TMEM232: variants seen among roughly 807,000 people sequenced by gnomAD.
TMEM232 encodes the protein transmembrane protein 232.
Under a neutral mutation model 78.8 loss-of-function variants are expected in TMEM232, and 80 were observed. The ratio of observed to expected loss-of-function variants is 1.01; its 90% CI spans 0.85 to 1.22. The LOEUF (loss-of-function observed/expected upper bound fraction) is 1.22. Ranked by LOEUF, TMEM232 falls within the 50% of genes most tolerant of loss-of-function variation. The probability of loss-of-function intolerance (pLI) is 0.00; values close to 1 mark genes in which losing one functional copy is unlikely to be tolerated. For missense variants in TMEM232, 881 were observed against 742.2 expected (o/e 1.19, Z -2.17); for synonymous variants, 297 against 254.3 (o/e 1.17, Z -1.60).
intron 10 of TMEM232, among the ~76,000 whole-genome samples, chr5:110,593,656 G>A (rs186149720): frequency 6.6e-6 from 1 of 152,246 alleles, no homozygotes; most frequent in East Asian, 1.9e-4. Flanking sequence ...TAGAATGATG[G>A]TTACTAGAGG....
intron 1 of TMEM232, among the ~76,000 whole-genome samples, chr5:110,693,095 C>T (rs1794334810): frequency 6.6e-6 from 1 of 152,188 alleles, no homozygotes; most frequent in Non-Finnish European, 1.5e-5. Flanking sequence ...GGGTACTCCT[C>T]TGAGACAAAA....
At chr5:110,735,045 A>G (rs1216035360) in intron 1 of TMEM232, 1 of 152,198 alleles carries the variant, frequency 6.6e-6, no homozygotes, top group Non-Finnish European at 1.5e-5. Context: ...AATAGTGTAT[A>G]GTTGCATCAC....
chr5:110,460,260 A>G (rs1409862083), intron 12 of TMEM232, among the ~76,000 whole-genome samples: 2 of 151,788 alleles, frequency 1.3e-5, no homozygotes, highest in African/African-American at 2.4e-5. Flanking sequence ...GATGTCTGAA[A>G]TTTACAACAG....
At chr5:110,422,817 A>C (rs950424583) in intron 13 of TMEM232, among the ~76,000 whole-genome samples, 3 of 152,164 alleles carry the variant, frequency 2.0e-5, no homozygotes, top group Admixed American at 6.5e-5. Flanking sequence ...CCATGACAAC[A>C]GATCAATTTG....
At chr5:110,600,437 G>C (rs568227648) in intron 10 of TMEM232, among the ~76,000 whole-genome samples, 1 of 152,192 alleles carries the variant, frequency 6.6e-6, no homozygotes, top group East Asian at 1.9e-4. Context: ...CAGAAGAAAA[G>C]AGAGAAGAAT....
chr5:110,543,730 G>A (rs185973129), intron 11 of TMEM232, among the ~76,000 whole-genome samples: 7 of 152,214 alleles, frequency 4.6e-5, no homozygotes, highest in Admixed American at 2.6e-4. Context: ...GAGCACTAGA[G>A]CTCTGGCCTT....
At chr5:110,613,375 A>G (rs1782548237) in intron 8 of TMEM232, among the ~76,000 whole-genome samples, 2 of 152,194 alleles carry the variant, frequency 1.3e-5, no homozygotes. Context: ...CATGGGCACA[A>G]GCACAAGCCA....
intron 11 of TMEM232, among the ~76,000 whole-genome samples, chr5:110,537,292 T>TATATATA (rs563922305): frequency 1.4e-5 from 2 of 138,500 alleles, no homozygotes; most frequent in African/African-American, 5.9e-5. Context: ...TATATATATA[T>TATATATA]TTTTTTTTTT....
At chr5:110,451,123 A>G (rs1425912543) in intron 12 of TMEM232, among the ~76,000 whole-genome samples, 2 of 152,174 alleles carry the variant, frequency 1.3e-5, no homozygotes, top group Non-Finnish European at 2.9e-5. Flanking sequence ...CTGCTAGTTT[A>G]GGACTTACTT....
At position 110,431,180 on chromosome 5, in the gene TMEM232, G is replaced by GTATT. The variant is rs1757799248; in HGVS notation, c.1704-6268_1704-6265dup. The stretch of plus-strand genomic sequence containing the variant: ...AGTTTCCCCCCAAGAATGTTCTAAA[G>GTATT]TATTAAACTGAGAAGGCTAAGAAGC... On this transcript the variant is annotated intron_variant, in intron 12 of 13. Coordinates refer to ENST00000455884, the MANE Select transcript of TMEM232 (RefSeq NM_001039763.4). Among the ~76,000 whole-genome samples, 5 of 151,582 alleles carry GTATT rather than the reference G, an allele frequency of 3.3e-5. No individual in the cohort carries two copies. The South Asian group carries it at 1.0e-3, about 31-fold the overall frequency.
chr5:110,561,575 T>C (rs73222662), intron 11 of TMEM232, among the ~76,000 whole-genome samples: 4,390 of 152,204 alleles, frequency 0.029, 215 homozygotes, highest in African/African-American at 0.1. Flanking sequence ...TATAGCAGAC[T>C]GAAATCCCAT....
In TMEM232 at chr5:110,528,695, C is replaced by A; in HGVS notation, c.1596G>T (p.Glu532Asp). The A allele has an allele frequency of 6.5e-7, 1 of 1,534,810 alleles. No individual in the cohort carries two copies. Among genetic ancestry groups the A allele is most frequent in the Non-Finnish European group, 8.7e-7 (1 of 1,146,290 alleles). Reference protein sequence around the residue: ...TLSKLFFPPIEAHFLPLKKPS... With the variant: ...TLSKLFFPPIDAHFLPLKKPS... ...GTTTCTTCAAAGGAAGAAAATGGGC[C>A]TCAATGGGGGGAAAGAATAGTTTGG... Residue 532 changes from glutamate (E) to aspartate (D), a missense_variant, in exon 12 of 14, where the codon GAG becomes GAT. Transcript: ENST00000455884.
chr5:110,530,423 T>A (rs1330468973), intron 11 of TMEM232, among the ~76,000 whole-genome samples: 2 of 152,242 alleles, frequency 1.3e-5, no homozygotes, highest in East Asian at 3.8e-4. Context: ...AGAGCTGCCC[T>A]GCCATGTTTA....
intron 11 of TMEM232, among the ~76,000 whole-genome samples, chr5:110,542,243 T>A (rs73222638): frequency 0.018 from 2,813 of 152,192 alleles, 104 homozygotes; most frequent in African/African-American, 0.065. Context: ...TAGTAGCCAT[T>A]TTTTTTGTAT....
At chr5:110,546,710 T>C (rs1385593730) in intron 11 of TMEM232, among the ~76,000 whole-genome samples, 3 of 152,158 alleles carry the variant, frequency 2.0e-5, no homozygotes, top group Non-Finnish European at 2.9e-5. Context: ...TGATAGATGT[T>C]CCCTAATTCA....
At chr5:110,523,972 G>C (rs1485870579) in intron 12 of TMEM232, among the ~76,000 whole-genome samples, 1 of 119,074 alleles carries the variant, frequency 8.4e-6, no homozygotes, top group African/African-American at 2.9e-5. Flanking sequence ...AAAAAGGGGG[G>C]GGGGCGGGGG....
intron 1 of TMEM232, among the ~76,000 whole-genome samples, chr5:110,696,129 G>C (rs1283876030): frequency 1.3e-5 from 2 of 152,048 alleles, no homozygotes; most frequent in Non-Finnish European, 2.9e-5. Context: ...TTCATCCCTG[G>C]GATGCAAGGC....
rs1317738792 is a variant in TMEM232 at position 110,422,146 on chromosome 5, G to T, written c.1798-1390C>A. On this transcript the variant is annotated intron_variant, in intron 13 of 13. Transcript: ENST00000455884. The stretch of plus-strand genomic sequence containing the variant: ...GAAAATTACCAATTTTATTAGCATA[G>T]AAGTTATAGTTGGTATAATAATGAC... Among the ~76,000 whole-genome samples, 2 of 152,058 alleles carry T rather than the reference G, an allele frequency of 1.3e-5. 1 individual carries two copies. Among genetic ancestry groups the T allele is most frequent in the East Asian group, 3.9e-4 (2 of 5,190 alleles).
At chr5:110,658,333 T>C (rs147822222) in intron 2 of TMEM232, among the ~76,000 whole-genome samples, 18 of 152,294 alleles carry the variant, frequency 1.2e-4, no homozygotes, top group African/African-American at 4.3e-4. Context: ...CGGTTTTATA[T>C]GTTCTTTTAT....
Sources: allele counts gnomAD v4.1 joint callset (sites outside exome capture counted in the v4.1 genomes callset), GRCh38; gene constraint gnomAD v4.1.1; transcripts MANE v1.5; gene names NCBI Gene and HGNC (gene_info 2026-07-23, HGNC 2026-07-21).